The following NFIL3 variants were observed in gnomAD, a reference collection of about 807,000 sequenced individuals.
The protein encoded by NFIL3 is nuclear factor, interleukin 3 regulated.
In NFIL3, 5 loss-of-function variants were observed where a neutral mutation model predicts 10.0. The observed-to-expected ratio is 0.50, with a 90% CI of 0.26 to 1.06. The LOEUF (loss-of-function observed/expected upper bound fraction) is 1.06. NFIL3 is among the 50% of genes least tolerant of loss of function. NFIL3 has a pLI of 0.13. For synonymous variants in NFIL3, 202 were observed against 206.5 expected, an observed-to-expected ratio of 0.98 and a Z score of 0.19; for missense variants, 436 against 547.6, an observed-to-expected ratio of 0.80 and a Z score of 2.03.
chr9:91,445,124 G>C, the NFIL3 span, among the ~76,000 whole-genome samples: 1 of 152,164 alleles, frequency 6.6e-6, no homozygotes, highest in Non-Finnish European at 1.5e-5. Flanking sequence ...CTATGACTGT[G>C]GTCCTGGTGG....
chr9:91,415,623 C>CTTTTTTT (rs994764308), intron 1 of NFIL3, among the ~76,000 whole-genome samples: 2 of 142,764 alleles, frequency 1.4e-5, no homozygotes, highest in Non-Finnish European at 1.5e-5. Context: ...ACTACTTCTT[C>CTTTTTTT]TTTTTTTTTT....
At chr9:91,454,455 T>G in the NFIL3 span, among the ~76,000 whole-genome samples, 4 of 152,154 alleles carry the variant, frequency 2.6e-5, no homozygotes, top group African/African-American at 9.7e-5. Flanking sequence ...CACAAAGTCT[T>G]GATTACCTAT....
chr9:91,456,911 T>C, the NFIL3 span, among the ~76,000 whole-genome samples: 1 of 152,184 alleles, frequency 6.6e-6, no homozygotes, highest in Non-Finnish European at 1.5e-5. Flanking sequence ...GGTTCACTTT[T>C]TTGGGTTTTT....
At chr9:91,479,598 C>T in the NFIL3 span, among the ~76,000 whole-genome samples, 1 of 152,194 alleles carries the variant, frequency 6.6e-6, no homozygotes, top group Non-Finnish European at 1.5e-5. Context: ...GGGGTGGGAT[C>T]CACTGAGCAA....
At chr9:91,436,622 A>AACAACAACAAC in the NFIL3 span, among the ~76,000 whole-genome samples, 6 of 131,716 alleles carry the variant, frequency 4.6e-5, no homozygotes, top group South Asian at 2.3e-4. Flanking sequence ...ACAACAACAA[A>AACAACAACAAC]GAGTTGAAGG....
upstream of NFIL3, among the ~76,000 whole-genome samples, chr9:91,425,343 C>A (rs1007635886): frequency 6.6e-6 from 1 of 152,234 alleles, no homozygotes; most frequent in Non-Finnish European, 1.5e-5. Flanking sequence ...CAGTTAATAT[C>A]ATAATAACGC....
At chr9:91,479,273 C>T in the NFIL3 span, among the ~76,000 whole-genome samples, 1 of 152,188 alleles carries the variant, frequency 6.6e-6, no homozygotes, top group Non-Finnish European at 1.5e-5. Flanking sequence ...GTGCTCTGTC[C>T]CAGGGAGATG....
At chr9:91,457,210 ATT>A in the NFIL3 span, among the ~76,000 whole-genome samples, 1 of 151,656 alleles carries the variant, frequency 6.6e-6, no homozygotes, top group Non-Finnish European at 1.5e-5. Flanking sequence ...AATCTTTTGA[ATT>A]TTAACATTTT....
the NFIL3 span, among the ~76,000 whole-genome samples, chr9:91,472,866 G>A: frequency 2.6e-5 from 4 of 152,148 alleles, no homozygotes; most frequent in African/African-American, 9.7e-5. Flanking sequence ...CTTTGATGAT[G>A]GTGACGTACA....
chr9:91,427,815 AT>A (rs560337333), upstream of NFIL3, among the ~76,000 whole-genome samples: 8 of 149,356 alleles, frequency 5.4e-5, no homozygotes, highest in African/African-American at 7.4e-5. Flanking sequence ...TAATTTTTTA[AT>A]TTTTTTTTTG....
At chr9:91,453,152 T>C in the NFIL3 span, among the ~76,000 whole-genome samples, 1 of 152,136 alleles carries the variant, frequency 6.6e-6, no homozygotes, top group African/African-American at 2.4e-5. Flanking sequence ...CTTTGGCTTG[T>C]TGATGGTCAT....
At chr9:91,440,481 G>T in the NFIL3 span, among the ~76,000 whole-genome samples, 1 of 151,496 alleles carries the variant, frequency 6.6e-6, no homozygotes, top group South Asian at 2.1e-4. Context: ...TTTTTCTATG[G>T]TTTTTCTGTT....
At chr9:91,451,196 G>A in the NFIL3 span, among the ~76,000 whole-genome samples, 2 of 151,636 alleles carry the variant, frequency 1.3e-5, no homozygotes, top group East Asian at 3.9e-4. Flanking sequence ...GTTTCCAATT[G>A]CACCCAATCC....
chr9:91,461,949 C>A, the NFIL3 span, among the ~76,000 whole-genome samples: 12 of 151,950 alleles, frequency 7.9e-5, no homozygotes, highest in African/African-American at 2.9e-4. Flanking sequence ...TAATCACGGT[C>A]ATTGTTCTAT....
At chr9:91,433,055 C>G in the NFIL3 span, among the ~76,000 whole-genome samples, 1 of 151,998 alleles carries the variant, frequency 6.6e-6, no homozygotes, top group Non-Finnish European at 1.5e-5. Flanking sequence ...AGGTCTTAGC[C>G]ATTGCAATGA....
chr9:91,410,301 G>T lies in NFIL3; in HGVS notation c.434C>A (p.Thr145Lys), dbSNP rs149322631. ...CTGGTAATCTTGAAAGTACACAGCT[G>T]TAGAATTACTGAGTTTCTGAATCTC... is the stretch of plus-strand genomic sequence containing the variant. ...AQEIQKLSNS[T>K]AVYFQDYQTS... The change falls in exon 2 of 2, where the codon ACA (threonine) becomes AAA (lysine). Residue 145 changes from threonine (T) to lysine (K), a missense_variant. Thr to Lys is a moderately conservative substitution (Grantham distance 78). Around this residue, in one of 3 missense-constraint regions of NFIL3, gnomAD observed 338 missense variants for 399.9 expected, o/e 0.85. Coordinates refer to ENST00000297689, the MANE Select transcript of NFIL3 (RefSeq NM_005384.3). This position sits in a 1 kb window ranked among gnomAD's most constrained non-coding sequence, Gnocchi z 5.7. The T allele has an allele frequency of 1.2e-6, 2 of 1,614,066 alleles. No homozygotes were observed. Among genetic ancestry groups the T allele is most frequent in the African/African-American group, 2.7e-5 (2 of 74,916 alleles).
chr9:91,452,965 A>T, the NFIL3 span, among the ~76,000 whole-genome samples: 5 of 152,134 alleles, frequency 3.3e-5, no homozygotes, highest in East Asian at 9.6e-4. Context: ...AAAAGCTGGA[A>T]TTGTCACCTG....
chr9:91,442,533 C>T, the NFIL3 span, among the ~76,000 whole-genome samples: 1,034 of 152,208 alleles, frequency 6.8e-3, 10 homozygotes, highest in African/African-American at 0.023. Context: ...CTGCCAAGGG[C>T]GAGCCAGGCG....
chr9:91,471,565 A>T, the NFIL3 span, among the ~76,000 whole-genome samples: 1 of 151,052 alleles, frequency 6.6e-6, no homozygotes, highest in Non-Finnish European at 1.5e-5. Context: ...CACAACGAGC[A>T]GGTTTGTTAC....
Sources: allele counts gnomAD v4.1 joint callset (sites outside exome capture counted in the v4.1 genomes callset), GRCh38; gene constraint gnomAD v4.1.1; regional missense constraint gnomAD v4.1.1; non-coding constraint Gnocchi (gnomAD v3.1); transcripts MANE v1.5; gene names NCBI Gene and HGNC (gene_info 2026-07-23, HGNC 2026-07-21).